The following ALOXE3 variants were observed in gnomAD, a reference collection of about 807,000 sequenced individuals.
ALOXE3 encodes the protein arachidonate epidermal lipoxygenase 3.
In ALOXE3, 78 loss-of-function variants were observed where a neutral mutation model predicts 87.5. That is an observed-to-expected ratio of 0.89 (90% confidence interval 0.74 to 1.08). The LOEUF (loss-of-function observed/expected upper bound fraction) is 1.08. ALOXE3 is among the 50% of genes least tolerant of loss of function. The probability of loss-of-function intolerance (pLI) is 0.00; values close to 1 mark genes in which losing one functional copy is unlikely to be tolerated. For synonymous variants in ALOXE3, 363 were observed against 370.8 expected (o/e 0.98, Z 0.24); for missense variants, 946 against 912.4 (o/e 1.04, Z -0.47).
Position 8,117,986 on chromosome 17 carries a change from G to A in ALOXE3, c.5C>T (p.Ala2Val), listed in dbSNP as rs768303204. The change falls in exon 2 of 16, where the codon GCA (alanine) becomes GTA (valine). Residue 2 changes from alanine to valine, a missense_variant. Coordinates refer to ENST00000448843, the MANE Select transcript of ALOXE3 (RefSeq NM_021628.3). M[A>V]VYRLCVTTGP... is the part of the protein sequence containing the mutation. ...AGTGGTCACACACAGGCGGTACACTGCCATGATGGGAAGGAGGAAGGGATG... is the reference window on the plus strand; with the variant it reads ...AGTGGTCACACACAGGCGGTACACTACCATGATGGGAAGGAGGAAGGGATG... The A allele has an allele frequency of 1.2e-6, 2 of 1,610,828 alleles. No homozygotes were observed. Among genetic ancestry groups the A allele is most frequent in the South Asian group, 1.1e-5 (1 of 90,846 alleles).
chr17:8,107,090 TC>T (rs1567995386), intron 13 of ALOXE3, among the ~76,000 whole-genome samples: 1 of 152,026 alleles, frequency 6.6e-6, no homozygotes, highest in South Asian at 2.1e-4. Flanking sequence ...AGTAATTAGA[TC>T]CCCCTTTGGG....
upstream of ALOXE3, chr17:8,118,656 C>G (rs531122917): frequency 6.5e-7 from 1 of 1,537,284 alleles, no homozygotes; most frequent in Non-Finnish European, 8.7e-7. Flanking sequence ...GATCCCCCCA[C>G]GCATGGCCCT....
At chr17:8,114,260 G>T (rs1211701872) in intron 6 of ALOXE3, among the ~76,000 whole-genome samples, 1 of 149,808 alleles carries the variant, frequency 6.7e-6, no homozygotes, top group Non-Finnish European at 1.5e-5. Context: ...GGGGCAGGGA[G>T]AGGGGAACTG....
chr17:8,097,226 C>T (rs1007215036), intron 15 of ALOXE3, among the ~76,000 whole-genome samples: 3 of 152,052 alleles, frequency 2.0e-5, no homozygotes, highest in Admixed American at 1.3e-4. Flanking sequence ...AACTCCTGGG[C>T]TCAAGTGATC....
At chr17:8,116,028 G>A (rs1327825558) in intron 3 of ALOXE3, among the ~76,000 whole-genome samples, 1 of 152,224 alleles carries the variant, frequency 6.6e-6, no homozygotes, top group Non-Finnish European at 1.5e-5. Context: ...TGTATAAGAT[G>A]CACTTTAAAT....
chr17:8,104,926 C>G (rs1359944183), intron 13 of ALOXE3, among the ~76,000 whole-genome samples: 1 of 152,180 alleles, frequency 6.6e-6, no homozygotes, highest in East Asian at 1.9e-4. Context: ...ATGGCTCTAA[C>G]CACCTCCCAC....
upstream of ALOXE3, chr17:8,118,797 G>C: frequency 6.5e-7 from 1 of 1,537,004 alleles, no homozygotes; most frequent in Non-Finnish European, 8.7e-7. Context: ...CTCCAGGACC[G>C]CCCTGGGCCT....
At chr17:8,118,684 G>A (rs1372716877), upstream of ALOXE3, 44 of 1,537,158 alleles carry the variant, frequency 2.9e-5, no homozygotes, top group Non-Finnish European at 3.7e-5. Flanking sequence ...CCCAGCCTTT[G>A]GCACGCCCGA....
chr17:8,100,918 G>A (rs558404709), intron 15 of ALOXE3, among the ~76,000 whole-genome samples: 16 of 152,180 alleles, frequency 1.1e-4, no homozygotes, highest in Non-Finnish European at 2.1e-4. Context: ...CTAGCTCTGT[G>A]CTGTTGAACA....
intron 8 of ALOXE3, among the ~76,000 whole-genome samples, chr17:8,111,025 T>C (rs770040096): frequency 3.3e-5 from 5 of 152,214 alleles, no homozygotes; most frequent in Non-Finnish European, 7.3e-5. Context: ...ACCATTGGCC[T>C]GTCCTAAAAC....
chr17:8,116,661 G>A (rs1467488345), intron 3 of ALOXE3, 115 bp downstream of exon 3: 1 of 1,254,848 alleles, frequency 8.0e-7, no homozygotes, highest in African/African-American at 1.5e-5. Context: ...CTACTTGGGA[G>A]CCCAGAGTTT....
chr17:8,107,812 A>G (rs1228111409), intron 13 of ALOXE3, among the ~76,000 whole-genome samples: 2 of 2,248 alleles, frequency 8.9e-4, no homozygotes, highest in South Asian at 0.013. Flanking sequence ...AAAAAAAACA[A>G]GAAAGAAAGA....
intron 15 of ALOXE3, among the ~76,000 whole-genome samples, chr17:8,098,138 G>A (rs1978669760): frequency 1.3e-5 from 2 of 151,806 alleles, no homozygotes; most frequent in Non-Finnish European, 1.5e-5. Flanking sequence ...GTAATAGTGG[G>A]CATTGGGCAT....
intron 13 of ALOXE3, among the ~76,000 whole-genome samples, chr17:8,107,840 A>AGGTTGGTGGCT (rs1491185832): frequency 1.8e-3 from 8 of 4,470 alleles, no homozygotes; most frequent in Admixed American, 3.0e-3. Context: ...AAAGAAAGAA[A>AGGTTGGTGGCT]GAAAGAAAGA....
intron 15 of ALOXE3, among the ~76,000 whole-genome samples, chr17:8,099,109 C>G (rs1404638928): frequency 6.6e-6 from 1 of 151,050 alleles, no homozygotes; most frequent in African/African-American, 2.4e-5. Flanking sequence ...CCTCTTGCCT[C>G]TGCTTCCCAA....
chr17:8,103,038 G>A (rs1979020516), intron 15 of ALOXE3, among the ~76,000 whole-genome samples: 1 of 152,226 alleles, frequency 6.6e-6, no homozygotes, highest in African/African-American at 2.4e-5. Flanking sequence ...GGACACATAG[G>A]AAGTATCCAA....
intron 11 of ALOXE3, among the ~76,000 whole-genome samples, chr17:8,109,667 G>A (rs1979840800): frequency 6.6e-6 from 1 of 151,590 alleles, no homozygotes; most frequent in African/African-American, 2.4e-5. Flanking sequence ...GGCCCGGCGG[G>A]GCTGGGGGCG....
At position 8,096,929 on chromosome 17, in the gene ALOXE3, T is replaced by C. The variant is rs1448281291; in HGVS notation, c.1957-123A>G. 3 of 1,130,610 alleles carry C rather than the reference T, an allele frequency of 2.7e-6. No individual in the cohort carries two copies. The African/African-American group carries it at 4.6e-5, about 17-fold the overall frequency. The allele number at this position is 1,130,610 out of a possible 1,614,324, so 70.0% of individuals were successfully genotyped here. ...TAGTAGCACAACCCAGTTGCAGCCA[T>C]TGTAAACACTTGCCCCAAACTGCCA... On this transcript the variant is annotated intron_variant, in intron 15 of 15. Coordinates refer to ENST00000448843, the MANE Select transcript of ALOXE3 (RefSeq NM_021628.3).
In ALOXE3 at chr17:8,096,822, G is replaced by A. The variant is rs780142574; in HGVS notation, c.1957-16C>T. 23 of 1,613,498 alleles carry A rather than the reference G, an allele frequency of 1.4e-5. No individual in the cohort carries two copies. Among genetic ancestry groups the A allele is most frequent in the Non-Finnish European group, 1.9e-5 (23 of 1,179,564 alleles). The stretch of plus-strand genomic sequence containing the variant: ...CCAGGGGCCTCTGGGAGGACATCAG[G>A]TAAGAGGTCAGGATGACATTCAGAT... On this transcript the variant is annotated splice_polypyrimidine_tract_variant and intron_variant, in intron 15 of 15. Transcript: ENST00000448843.
Sources: allele counts gnomAD v4.1 joint callset (sites outside exome capture counted in the v4.1 genomes callset), GRCh38; gene constraint gnomAD v4.1.1; transcripts MANE v1.5; gene names NCBI Gene and HGNC (gene_info 2026-07-23, HGNC 2026-07-21).